Variants in ABCA13 observed in about 807,000 individuals in gnomAD.
ABCA13 encodes the protein ATP-binding cassette sub-family A member 13.
In ABCA13, 476 loss-of-function variants were observed where a neutral mutation model predicts 478.7. The ratio of observed to expected loss-of-function variants is 0.99; its 90% CI spans 0.92 to 1.07. ABCA13 has a LOEUF of 1.07. ABCA13 is among the 50% of genes least tolerant of loss of function. The pLI is 0.00. For synonymous variants in ABCA13, 2,252 were observed against 2,158.9 expected, an observed-to-expected ratio of 1.04 and a Z score of -1.20; for missense variants, 6,060 against 5,910.6, an observed-to-expected ratio of 1.03 and a Z score of -0.83.
At chr7:48,298,945 C>T (rs1799773278) in intron 23 of ABCA13, among the ~76,000 whole-genome samples, 2 of 152,150 alleles carry the variant, frequency 1.3e-5, no homozygotes, top group South Asian at 4.2e-4. Context: ...CGTAGTGAAT[C>T]ACTGTGAACG....
chr7:48,204,297 C>T (rs1225873763), intron 3 of ABCA13, among the ~76,000 whole-genome samples: 1 of 151,822 alleles, frequency 6.6e-6, no homozygotes, highest in African/African-American at 2.4e-5. Context: ...GCAACCTCCG[C>T]CTCCCGGGTT....
intron 42 of ABCA13, among the ~76,000 whole-genome samples, chr7:48,434,257 G>A (rs2362304): frequency 6.6e-6 from 1 of 151,602 alleles, no homozygotes; most frequent in Non-Finnish European, 1.5e-5. Context: ...ATTTCCCTAA[G>A]GACTAGTAAT....
At chr7:48,216,790 C>G (rs1467389469) in intron 3 of ABCA13, among the ~76,000 whole-genome samples, 2 of 151,986 alleles carry the variant, frequency 1.3e-5, no homozygotes, top group East Asian at 1.9e-4. Flanking sequence ...CAACTTCATT[C>G]TTTTGCATGT....
rs1195440074 is a variant in ABCA13 at position 48,274,440 on chromosome 7, A to G, written c.4774A>G (p.Ser1592Gly). ...ATSPKEKDVNSVGNSIYHLAS... is the reference protein window; with the variant it reads ...ATSPKEKDVNGVGNSIYHLAS... ...CAGTCCAAAAGAAAAGGATGTAAAC[A>G]GTGTAGGCAATTCCATTTATCACTT... Residue 1592 changes from serine to glycine, a missense_variant, in exon 17 of 62, where the codon AGT (serine) becomes GGT (glycine). Ser to Gly is a moderately conservative substitution (Grantham distance 56). Around this residue, in one of 3 missense-constraint regions of ABCA13, gnomAD observed 4,423 missense variants for 4,309.1 expected, o/e 1.03. Coordinates refer to ENST00000435803, the MANE Select transcript of ABCA13 (RefSeq NM_152701.5). 5 of 1,613,530 alleles carry G rather than the reference A, an allele frequency of 3.1e-6. No homozygotes were observed.
rs116633563 is a variant in ABCA13 at position 48,211,275 on chromosome 7, A to T, written c.288-8079A>T. 2.4e-3 allele frequency among the ~76,000 whole-genome samples: 373 copies of T among 152,314 alleles called. 1 individual carries two copies. The highest frequency in any genetic ancestry group is 8.6e-3 in the African/African-American group (358 of 41,554). On this transcript the variant is annotated intron_variant, in intron 3 of 61. Transcript: ENST00000435803. ...CTTGAGAGGACTTTCCAAGAATTCA[A>T]AGGGGAATAAATGTTGTGACCTAAG... is the stretch of plus-strand genomic sequence containing the variant.
chr7:48,535,286 T>A (rs1437482699), intron 55 of ABCA13, among the ~76,000 whole-genome samples: 3 of 152,162 alleles, frequency 2.0e-5, no homozygotes, highest in Non-Finnish European at 4.4e-5. Context: ...CCCTTTTGTG[T>A]TTAGCCACCC....
intron 42 of ABCA13, among the ~76,000 whole-genome samples, chr7:48,435,979 T>G (rs1377600966): frequency 1.3e-5 from 2 of 151,160 alleles, no homozygotes; most frequent in African/African-American, 4.8e-5. Flanking sequence ...AGGTTTTTTT[T>G]TTTTTTGGTA....
In ABCA13 at chr7:48,580,200, A is replaced by G. The variant is rs755579104; in HGVS notation, c.14355-24A>G. The G allele has an allele frequency of 4.4e-6, 7 of 1,587,986 alleles. No individual in the cohort carries two copies. The South Asian group carries it at 8.1e-5, about 18-fold the overall frequency. On this transcript the variant is annotated intron_variant, in intron 55 of 61. Coordinates refer to ENST00000435803, the MANE Select transcript of ABCA13 (RefSeq NM_152701.5). ...GCCAGTTTGGGAAACTGCTGTTCTC[A>G]GCCTGTGCTGCTTCTCTCTGCAGAG...
intron 27 of ABCA13, among the ~76,000 whole-genome samples, chr7:48,321,869 G>A (rs1010461149): frequency 6.6e-6 from 1 of 152,182 alleles, no homozygotes; most frequent in African/African-American, 2.4e-5. Flanking sequence ...CCACAGACAG[G>A]CAGACGAGGC....
At chr7:48,397,679 T>C (rs1293147220) in intron 38 of ABCA13, among the ~76,000 whole-genome samples, 1 of 152,214 alleles carries the variant, frequency 6.6e-6, no homozygotes, top group Non-Finnish European at 1.5e-5. Flanking sequence ...GATCAGTATT[T>C]GTTTAGATGA....
intron 55 of ABCA13, among the ~76,000 whole-genome samples, chr7:48,538,814 G>T (rs1271681484): frequency 6.6e-6 from 1 of 152,052 alleles, no homozygotes; most frequent in Non-Finnish European, 1.5e-5. Context: ...TTGCATGTTT[G>T]TAAGATACTT....
chr7:48,442,027 A>G (rs1460679241), intron 42 of ABCA13, among the ~76,000 whole-genome samples: 1 of 152,216 alleles, frequency 6.6e-6, no homozygotes, highest in African/African-American at 2.4e-5. Flanking sequence ...CAGAGGAGAG[A>G]CTGTGTAAAC....
intron 9 of ABCA13, among the ~76,000 whole-genome samples, chr7:48,239,715 A>G (rs1479448572): frequency 1.3e-5 from 2 of 152,252 alleles, no homozygotes; most frequent in South Asian, 4.1e-4. Flanking sequence ...GCCCTGGAGT[A>G]CTATGACCAG....
chr7:48,385,942 C>T (rs533011962), intron 35 of ABCA13, among the ~76,000 whole-genome samples: 1 of 152,148 alleles, frequency 6.6e-6, no homozygotes, highest in Non-Finnish European at 1.5e-5. Flanking sequence ...TGATTATCAG[C>T]CCCATGTATG....
rs891386405 is a variant in ABCA13 at position 48,412,596 on chromosome 7, C to T, written c.12459+13C>T. 1.5e-5 allele frequency: 23 copies of T among 1,582,378 alleles called. No individual in the cohort carries two copies. The African/African-American group carries it at 2.7e-4, about 19-fold the overall frequency. ...CACCTTAGAAGAGGTACTGAGAAAA[C>T]TGAAGCGTGCTTTAATTATTTATGC... is the stretch of plus-strand genomic sequence containing the variant. On this transcript the variant is annotated intron_variant, in intron 41 of 61. Transcript: ENST00000435803.
intron 42 of ABCA13, among the ~76,000 whole-genome samples, chr7:48,454,370 G>A (rs1250787795): frequency 2.0e-5 from 3 of 152,244 alleles, no homozygotes; most frequent in Non-Finnish European, 4.4e-5. Context: ...GGCTCCAAAG[G>A]ATCACTCTTG....
At chr7:48,326,164 C>G (rs1804298609) in intron 27 of ABCA13, among the ~76,000 whole-genome samples, 1 of 152,152 alleles carries the variant, frequency 6.6e-6, no homozygotes, top group Non-Finnish European at 1.5e-5. Context: ...AATCCAGGAG[C>G]TTGCTCCATG....
At position 48,269,192 on chromosome 7, in the gene ABCA13, G is replaced by A. The variant is rs899199843; in HGVS notation, c.2120+98G>A. 9.1e-6 allele frequency: 6 copies of A among 660,680 alleles called. No homozygotes were observed. The African/African-American group carries it at 1.1e-4, about 12-fold the overall frequency. The allele number at this position is 660,680 out of a possible 1,614,324, so 40.9% of individuals were successfully genotyped here. ...GATATGCACTCTTTAAAATTTATGA[G>A]CCTGATTTAGATATTGACACAATCT... On this transcript the variant is annotated intron_variant, in intron 16 of 61. Transcript: ENST00000435803.
intron 8 of ABCA13, 94 bp downstream of exon 8, chr7:48,234,245 G>A (rs1584351969): frequency 4.5e-6 from 7 of 1,566,988 alleles, no homozygotes; most frequent in Non-Finnish European, 6.1e-6. Context: ...GGTGCCACGG[G>A]AGAGGCAGCC....
Sources: allele counts gnomAD v4.1 joint callset (sites outside exome capture counted in the v4.1 genomes callset), GRCh38; gene constraint gnomAD v4.1.1; regional missense constraint gnomAD v4.1.1; transcripts MANE v1.5; gene names NCBI Gene and HGNC (gene_info 2026-07-23, HGNC 2026-07-21).